Variants in PPP1R3F observed in about 807,000 individuals in gnomAD.
PPP1R3F encodes protein phosphatase 1, regulatory (inhibitor) subunit 3F.
A neutral mutation model predicts 24.2 loss-of-function variants in PPP1R3F; 29 were observed. That is an observed-to-expected ratio of 1.20 (90% CI 0.89 to 1.63). PPP1R3F has a LOEUF of 1.63. Among genes scored for constraint, PPP1R3F ranks in the 40% most tolerant of loss-of-function variants. PPP1R3F has a pLI of 0.00. For synonymous variants in PPP1R3F, 363 were observed against 340.1 expected (o/e 1.07, Z -0.74); for missense variants, 823 against 729.3 (o/e 1.13, Z -1.48).
chrX:49,280,549 C>CTTTTTTTTTTTTTTT (rs782591947), intron 1 of PPP1R3F, among the ~76,000 whole-genome samples: 14 of 79,601 alleles, frequency 1.8e-4, no homozygotes, highest in African/African-American at 5.0e-4. Context: ...GCGTCTGGCC[C>CTTTTTTTTTTTTTTT]TTTTTTTTTT....
intron 1 of PPP1R3F, among the ~76,000 whole-genome samples, chrX:49,280,393 C>T (rs900933768): frequency 2.7e-5 from 3 of 110,191 alleles, no homozygotes; most frequent in Admixed American, 1.9e-4. Context: ...GGATTACAGG[C>T]GCCCACCACC....
downstream of PPP1R3F, among the ~76,000 whole-genome samples, chrX:49,292,101 C>T (rs934177974): frequency 9.0e-5 from 10 of 111,644 alleles, no homozygotes; most frequent in African/African-American, 2.9e-4. Flanking sequence ...GGGAAAGCCT[C>T]AGAGAAGACG....
rs1358505895 is a variant in PPP1R3F, at chrX:49,287,375, C to T, written c.*285C>T. 1.6e-5 allele frequency: 5 copies of T among 307,907 alleles called. No homozygotes were observed. Among genetic ancestry groups the T allele is most frequent in the Non-Finnish European group, 2.8e-5 (5 of 179,144 alleles). The allele number at this position is 307,907 out of a possible 1,213,427, so 25.4% of individuals were successfully genotyped here. A position where few individuals can be genotyped will look rare whatever the true frequency, so the allele number is the denominator to read the frequency against. On this transcript the variant is annotated 3_prime_UTR_variant, in exon 4 of 4. Coordinates refer to ENST00000055335, the MANE Select transcript of PPP1R3F (RefSeq NM_033215.5). ...AATTCTCTGGATGAGGGAGAGTGGT[C>T]GTGAGCTGGTCTTGGGGCACAATTA... is the stretch of plus-strand genomic sequence containing the variant.
chrX:49,300,646 T>C (rs782669134), intron 3 of PPP1R3F, among the ~76,000 whole-genome samples: 1 of 109,856 alleles, frequency 9.1e-6, no homozygotes, highest in Non-Finnish European at 1.9e-5. Flanking sequence ...CAAGCCACCG[T>C]GGCCCGATTA....
Position 49,270,130 on chromosome X carries a change from T to A in PPP1R3F, c.261T>A (p.Asp87Glu). The stretch of plus-strand genomic sequence containing the variant: ...CCGACGAGGACGACGATGGCGAGGA[T>A]GGGGATGAAGGGGAGGAGGAAGAGG... ...GGADEDDDGEDGDEGEEEEEA... is the reference protein window; with the variant it reads ...GGADEDDDGEEGDEGEEEEEA... Residue 87 changes from aspartate to glutamate, a missense_variant, in exon 1 of 4, where the codon GAT (aspartate) becomes GAA (glutamate). Transcript: ENST00000055335. 9.5e-7 allele frequency: 1 copy of A among 1,049,290 alleles called. No homozygotes were observed. Among genetic ancestry groups the A allele is most frequent in the Non-Finnish European group, 1.2e-6 (1 of 820,036 alleles). The allele number at this position is 1,049,290 out of a possible 1,213,427, so 86.5% of individuals were successfully genotyped here. A position where few individuals can be genotyped will look rare whatever the true frequency, so the allele number is the denominator to read the frequency against.
intron 3 of PPP1R3F, among the ~76,000 whole-genome samples, chrX:49,295,309 A>G (rs1169678954): frequency 9.1e-6 from 1 of 110,042 alleles, no homozygotes; most frequent in East Asian, 2.9e-4. Flanking sequence ...ACACCTGACT[A>G]ATTTTTGTAT....
chrX:49,284,476 C>A (rs1217877561), intron 3 of PPP1R3F, among the ~76,000 whole-genome samples: 5 of 84,565 alleles, frequency 5.9e-5, no homozygotes, highest in Non-Finnish European at 9.4e-5. Flanking sequence ...TCTTTCCTCT[C>A]TCTCTCTCTT....
At chrX:49,294,681 G>A (rs2066317991) in intron 3 of PPP1R3F, among the ~76,000 whole-genome samples, 1 of 108,846 alleles carries the variant, frequency 9.2e-6, no homozygotes, top group Non-Finnish European at 1.9e-5. Flanking sequence ...AGGCTGAGGG[G>A]GGGTGGATCA....
chrX:49,283,894 C>T (rs1382868485), intron 3 of PPP1R3F, among the ~76,000 whole-genome samples: 1 of 110,312 alleles, frequency 9.1e-6, no homozygotes, highest in Non-Finnish European at 1.9e-5. Context: ...TTCTATTATT[C>T]CCACTTCCTT....
At position 49,281,254 on chromosome X, in the gene PPP1R3F, A is replaced by G; in HGVS notation, c.1005-152A>G. On this transcript the variant is annotated intron_variant, in intron 1 of 3. Coordinates refer to ENST00000055335, the MANE Select transcript of PPP1R3F (RefSeq NM_033215.5). ...TCTATAATGAGGCTGTAGGACTTTTAGGATGAGGGGATAAACAAAGGCAGC... is the reference window on the plus strand; with the variant it reads ...TCTATAATGAGGCTGTAGGACTTTTGGGATGAGGGGATAAACAAAGGCAGC... The G allele has an allele frequency of 1.1e-5, 4 of 360,653 alleles. No individual in the cohort carries two copies. The South Asian group carries it at 3.3e-4, about 30-fold the overall frequency. The allele number at this position is 360,653 out of a possible 1,213,427, so 29.7% of individuals were successfully genotyped here.
At chrX:49,294,098 G>A (rs782140844) in intron 3 of PPP1R3F, among the ~76,000 whole-genome samples, 10 of 111,448 alleles carry the variant, frequency 9.0e-5, no homozygotes, top group Admixed American at 1.9e-4. Flanking sequence ...TGTCACAGTA[G>A]AATTTACTTT....
At position 49,269,848 on chromosome X, in the gene PPP1R3F, C is replaced by G. The variant is rs2066159058; in HGVS notation, c.-22C>G. ...CCGCCGGTCCCGCCGCCGGTGCCGT[C>G]GGTGCCGCCGCCGCCGCCGATATGG... On this transcript the variant is annotated 5_prime_UTR_variant, in exon 1 of 4. Transcript: ENST00000055335. 1.1e-6 allele frequency: 1 copy of G among 879,887 alleles called. No homozygotes were observed. Among genetic ancestry groups the G allele is most frequent in the Non-Finnish European group, 1.4e-6 (1 of 717,644 alleles). The allele number at this position is 879,887 out of a possible 1,213,427, so 72.5% of individuals were successfully genotyped here.
intron 1 of PPP1R3F, among the ~76,000 whole-genome samples, chrX:49,279,662 G>A (rs987875682): frequency 3.4e-4 from 38 of 111,427 alleles, no homozygotes; most frequent in African/African-American, 1.1e-3. Flanking sequence ...CCAGCCTGGC[G>A]ACAGAACGAG....
intron 3 of PPP1R3F, among the ~76,000 whole-genome samples, chrX:49,293,640 C>T (rs1482544381): frequency 8.9e-6 from 1 of 111,971 alleles, no homozygotes; most frequent in Non-Finnish European, 1.9e-5. Context: ...ATATATGGCT[C>T]AAAACCAAAC....
chrX:49,292,620 G>C (rs1295224513), downstream of PPP1R3F, among the ~76,000 whole-genome samples: 1 of 112,961 alleles, frequency 8.9e-6, no homozygotes, highest in African/African-American at 3.2e-5. Flanking sequence ...CCTGAACGCC[G>C]GGTCTAGAAG....
chrX:49,287,040 G>A lies in PPP1R3F; in HGVS notation c.2350G>A (p.Val784Met), dbSNP rs781905728. 1 of 1,210,682 alleles carries A rather than the reference G, an allele frequency of 8.3e-7. No individual in the cohort carries two copies. Among genetic ancestry groups the A allele is most frequent in the South Asian group, 1.8e-5 (1 of 56,953 alleles). The change falls in exon 4 of 4, where the codon GTG (valine) becomes ATG (methionine). Residue 784 changes from valine (V) to methionine (M), a missense_variant. By Grantham distance (21) the Val-to-Met change is conservative. Transcript: ENST00000055335. Reference sequence around the variant, plus strand: ...GGTCCCTGTGGCTCTGAACAGCGGTGTGTCCCTCCTGGTGCTTGCGCTGTG... The same window carrying A: ...GGTCCCTGTGGCTCTGAACAGCGGTATGTCCCTCCTGGTGCTTGCGCTGTG... ...VVVPVALNSG[V>M]SLLVLALCLS...
rs951731648 is a variant in PPP1R3F at position 49,287,181 on chromosome X, A to G, written c.*91A>G. The G allele has an allele frequency of 5.3e-6, 5 of 940,989 alleles. No homozygotes were observed. The highest frequency in any genetic ancestry group is 1.9e-5 in the African/African-American group (1 of 51,438). 77.5% of individuals were successfully genotyped at this position (940,989 alleles called of 1,213,427 possible). Reference sequence around the variant, plus strand: ...GGTCCTTTGCTTCTGAGAATGCTCAACTGAAAGAGAGGCCTTCTCATCCCC... The same window carrying G: ...GGTCCTTTGCTTCTGAGAATGCTCAGCTGAAAGAGAGGCCTTCTCATCCCC... On this transcript the variant is annotated 3_prime_UTR_variant, in exon 4 of 4. Coordinates refer to ENST00000055335, the MANE Select transcript of PPP1R3F (RefSeq NM_033215.5).
chrX:49,294,290 G>A (rs1201192210), intron 3 of PPP1R3F, among the ~76,000 whole-genome samples: 1 of 107,531 alleles, frequency 9.3e-6, no homozygotes, highest in East Asian at 3.0e-4. Flanking sequence ...TGAGATAGCG[G>A]CTCACTGCAG....
intron 1 of PPP1R3F, chrX:49,274,037 G>C (rs782142554): frequency 2.7e-5 from 3 of 112,883 alleles, no homozygotes; most frequent in Non-Finnish European, 5.6e-5. Flanking sequence ...ATGGAGTACA[G>C]AGGATTTGTT....
Sources: gnomAD v4.1 joint callset for allele counts (sites outside exome capture counted in the v4.1 genomes callset) on GRCh38, gnomAD v4.1.1 for gene constraint, MANE v1.5 for transcripts, NCBI Gene and HGNC (gene_info 2026-07-23, HGNC 2026-07-21) for gene names.